The following ADAMTS7 variants were observed in gnomAD, a reference collection of about 807,000 sequenced individuals.
ADAMTS7 encodes the protein A disintegrin and metalloproteinase with thrombospondin motifs 7.
ADAMTS7 carries 89 observed loss-of-function variants against 172.6 expected under a neutral mutation model. That is an observed-to-expected ratio of 0.52 (90% CI 0.43 to 0.61). The LOEUF (loss-of-function observed/expected upper bound fraction) is 0.61, where lower values mean the gene tolerates loss of function less well. Ranked by LOEUF, ADAMTS7 falls within the 20% of genes least tolerant of loss-of-function variation. ADAMTS7 has a pLI of 0.00. For synonymous variants in ADAMTS7, 885 were observed against 978.4 expected (o/e 0.90, Z 1.78); for missense variants, 1,973 against 2,355.6 (o/e 0.84, Z 3.36).
At position 78,798,054 on chromosome 15, in the gene ADAMTS7, C is replaced by A; in HGVS notation, c.516G>T (p.Pro172=). 1 of 1,569,998 alleles carries A rather than the reference C, an allele frequency of 6.4e-7. No homozygotes were observed. The highest frequency in any genetic ancestry group is 1.2e-5 in the South Asian group (1 of 84,596). The change falls in exon 3 of 24, where the codon CCG becomes CCT. Residue 172 remains proline (P), a synonymous_variant. Transcript: ENST00000388820. ...GGGGCTGGGCGTGGCCAGGCCGGGC[C>A]GGGGCACTGTCCAGGGGCTCAATGA... is the stretch of plus-strand genomic sequence containing the variant. The part of the protein sequence containing the change: ...DYFIEPLDSA[P]ARPGHAQPHV...
Position 78,762,357 on chromosome 15 carries a change from C to G in ADAMTS7, c.4903+46G>C. On this transcript the variant is annotated intron_variant, in intron 23 of 23. Coordinates refer to ENST00000388820, the MANE Select transcript of ADAMTS7 (RefSeq NM_014272.5). ...CGACCCCATTTCCCCATCACCCTCC[C>G]CACCCCACCTCACTTCAGCAGGGAG... The G allele has an allele frequency of 2.9e-6, 4 of 1,360,458 alleles. No homozygotes were observed. The South Asian group carries it at 7.2e-5, about 24-fold the overall frequency. 84.3% of individuals were successfully genotyped at this position (1,360,458 alleles called of 1,614,324 possible). A position where few individuals can be genotyped will look rare whatever the true frequency, so the allele number is the denominator to read the frequency against.
At position 78,800,256 on chromosome 15, in the gene ADAMTS7, A is replaced by G. The variant is rs1170090701; in HGVS notation, c.392T>C (p.Leu131Pro). 1.3e-6 allele frequency: 2 copies of G among 1,595,244 alleles called. No homozygotes were observed. Among genetic ancestry groups the G allele is most frequent in the Non-Finnish European group, 1.7e-6 (2 of 1,178,366 alleles). The change falls in exon 2 of 24, where the codon CTT (leucine) becomes CCT (proline). Residue 131 changes from leucine to proline, a missense_variant. Transcript: ENST00000388820. Reference protein sequence around the residue: ...IRAHTPACHLLGEVQDPELEG... With the variant: ...IRAHTPACHLPGEVQDPELEG... Reference sequence around the variant, plus strand: ...GAGCTCAGGGTCCTGCACCTCGCCAAGCAGGTGGCAGGCCGGGGTGTGGGC... The same window carrying G: ...GAGCTCAGGGTCCTGCACCTCGCCAGGCAGGTGGCAGGCCGGGGTGTGGGC...
At position 78,766,182 on chromosome 15, in the gene ADAMTS7, C is replaced by G; in HGVS notation, c.3729G>C (p.Leu1243Phe). 1 of 1,611,670 alleles carries G rather than the reference C, an allele frequency of 6.2e-7. No individual in the cohort carries two copies. The highest frequency in any genetic ancestry group is 1.1e-5 in the South Asian group (1 of 90,992). Residue 1243 changes from leucine to phenylalanine, a missense_variant, in exon 19 of 24, where the codon TTG becomes TTC. Leu to Phe is a conservative substitution (Grantham distance 22, BLOSUM62 0). Coordinates refer to ENST00000388820, the MANE Select transcript of ADAMTS7 (RefSeq NM_014272.5). ...PPRPSSTLPP[L>F]SPVGSTHSSP... Reference sequence around the variant, plus strand: ...AGGAGTGGGTGCTGCCAACAGGGGACAAAGGGGGCAGCGTGGAGCTGGGTC... The same window carrying G: ...AGGAGTGGGTGCTGCCAACAGGGGAGAAAGGGGGCAGCGTGGAGCTGGGTC...
chr15:78,810,819 C>T (rs1479876469), intron 1 of ADAMTS7: 1 of 267,166 alleles, frequency 3.7e-6, no homozygotes, highest in Non-Finnish European at 7.0e-6. Flanking sequence ...GAGCCAGGCG[C>T]GTTGCTGCAC....
Position 78,764,110 on chromosome 15 carries a change from A to G in ADAMTS7, c.4420-11T>C. The G allele has an allele frequency of 6.6e-7, 1 of 1,519,732 alleles. No individual in the cohort carries two copies. The highest frequency in any genetic ancestry group is 8.9e-7 in the Non-Finnish European group (1 of 1,129,716). The allele number at this position is 1,519,732 out of a possible 1,614,324, so 94.1% of individuals were successfully genotyped here. A position where few individuals can be genotyped will look rare whatever the true frequency, so the allele number is the denominator to read the frequency against. ...GCAGCTGCGGGAGCACTGGGGACCG[A>G]GAGACGTGTATGGACACATCCCCAT... On this transcript the variant is annotated splice_polypyrimidine_tract_variant and intron_variant, in intron 20 of 23. Transcript: ENST00000388820.
At chr15:78,791,022 T>C (rs1176516921) in intron 5 of ADAMTS7, 118 bp downstream of exon 5, 4 of 1,330,782 alleles carry the variant, frequency 3.0e-6, no homozygotes, top group Non-Finnish European at 4.2e-6. Flanking sequence ...GGGGACACGG[T>C]CCAGGCCAAG....
At chr15:78,798,314 A>G (rs1330815291) in intron 2 of ADAMTS7, among the ~76,000 whole-genome samples, 1 of 152,052 alleles carries the variant, frequency 6.6e-6, no homozygotes. Flanking sequence ...CTGCCATTTC[A>G]CACACAGCCA....
chr15:78,763,704 C>G lies in ADAMTS7; in HGVS notation c.4735G>C (p.Gly1579Arg). The change falls in exon 22 of 24, where the codon GGC (glycine) becomes CGC (arginine). Residue 1579 changes from glycine to arginine, a missense_variant. By Grantham distance (125) the Gly-to-Arg change is moderately radical (BLOSUM62 -2). This residue lies in a region of ADAMTS7 where 42 missense variants were observed against 78.3 expected (regional missense o/e 0.54). Coordinates refer to ENST00000388820, the MANE Select transcript of ADAMTS7 (RefSeq NM_014272.5). The part of the protein sequence containing the change: ...PCTQWVVGPW[G>R]QCSGPCGGGV... ...CTCCCCGCAGCCCGGCTCACCTGGC[C>G]CCAGGGCCCCACCACCCACTGCGTG... 5 of 1,537,584 alleles carry G rather than the reference C, an allele frequency of 3.3e-6. No homozygotes were observed. The highest frequency in any genetic ancestry group is 4.4e-6 in the Non-Finnish European group (5 of 1,145,776).
chr15:78,792,037 C>A (rs1199673583), intron 4 of ADAMTS7, among the ~76,000 whole-genome samples: 1 of 152,150 alleles, frequency 6.6e-6, no homozygotes, highest in African/African-American at 2.4e-5. Context: ...GCAGAACAGG[C>A]CAGTTGTGAG....
rs1397947942 is a variant in ADAMTS7, at chr15:78,776,753, T to G, written c.1556A>C (p.Asn519Thr). The G allele has an allele frequency of 9.7e-6, 15 of 1,550,124 alleles. No individual in the cohort carries two copies. The highest frequency in any genetic ancestry group is 1.3e-5 in the Non-Finnish European group (15 of 1,145,706). ...AAVDGTRCGE[N>T]KWCLSGECVP... ...GGGACTGGGGACATCCCCTACCTTA[T>G]TCTCCCCACACCGGGTGCCGTCCAC... The change falls in exon 10 of 24, where the codon AAT becomes ACT. Residue 519 changes from asparagine to threonine, a missense_variant. Physicochemically the swap from Asn to Thr is moderately conservative, Grantham distance 65. This residue lies in a region of ADAMTS7 where 526 missense variants were observed against 662.9 expected (regional missense o/e 0.79). Coordinates refer to ENST00000388820, the MANE Select transcript of ADAMTS7 (RefSeq NM_014272.5).
intron 12 of ADAMTS7, 34 bp from the exon 13 acceptor site, chr15:78,774,334 G>C: frequency 6.5e-7 from 1 of 1,531,350 alleles, no homozygotes; most frequent in East Asian, 2.3e-5. Flanking sequence ...ATCAGCAACA[G>C]CTGGGGCGGG....
At chr15:78,774,020 C>T (rs1030433620) in intron 13 of ADAMTS7, 147 bp downstream of exon 13, 31 of 1,302,640 alleles carry the variant, frequency 2.4e-5, no homozygotes, top group Non-Finnish European at 2.8e-5. Context: ...GAGGGTGGCC[C>T]GAGGAGGACC....
rs370962738 is a variant in ADAMTS7 at position 78,761,691 on chromosome 15, G to A, written c.4903+712C>T. 1.3e-3 allele frequency among the ~76,000 whole-genome samples: 195 copies of A among 152,244 alleles called. 1 individual carries two copies. Among genetic ancestry groups the A allele is most frequent in the African/African-American group, 4.3e-3 (178 of 41,558 alleles). ...CCCATTTCCTGCCCTCAGCACTTCC[G>A]GGAGCAGCTGGGGCTGCAGGAAGGA... On this transcript the variant is annotated intron_variant, in intron 23 of 23. Coordinates refer to ENST00000388820, the MANE Select transcript of ADAMTS7 (RefSeq NM_014272.5).
chr15:78,775,562 C>A (rs1015536687), intron 11 of ADAMTS7, among the ~76,000 whole-genome samples: 1 of 152,142 alleles, frequency 6.6e-6, no homozygotes. Context: ...CCCCCACCCC[C>A]CCGTTTAGAT....
chr15:78,761,252 G>C (rs887096886), intron 23 of ADAMTS7, among the ~76,000 whole-genome samples: 1 of 152,246 alleles, frequency 6.6e-6, no homozygotes, highest in Non-Finnish European at 1.5e-5. Context: ...AGAAGGCAGC[G>C]TTGGACAAGG....
At chr15:78,770,484 G>A (rs1168006827) in intron 16 of ADAMTS7, 6 of 128,096 alleles carry the variant, frequency 4.7e-5, no homozygotes, top group Non-Finnish European at 8.3e-5. Flanking sequence ...GAGGAAGACC[G>A]AGGGGCGTTG....
intron 3 of ADAMTS7, among the ~76,000 whole-genome samples, chr15:78,797,244 C>G (rs2055657492): frequency 6.6e-6 from 1 of 152,224 alleles, no homozygotes; most frequent in Non-Finnish European, 1.5e-5. Flanking sequence ...CCCAGCTTGC[C>G]CTACTGGGCC....
chr15:78,789,597 G>A, intron 7 of ADAMTS7, 92 bp downstream of exon 7: 3 of 1,520,344 alleles, frequency 2.0e-6, no homozygotes, highest in Non-Finnish European at 1.8e-6. Context: ...CTTTCCCCTG[G>A]ACTTTGTGAC....
chr15:78,796,905 C>T, intron 3 of ADAMTS7, 119 bp from the exon 4 acceptor site: 1 of 954,694 alleles, frequency 1.0e-6, no homozygotes, highest in Non-Finnish European at 1.5e-6. Flanking sequence ...GGATCAGAGG[C>T]CAGGGGCCTG....
Sources: allele counts gnomAD v4.1 joint callset (sites outside exome capture counted in the v4.1 genomes callset), GRCh38; gene constraint gnomAD v4.1.1; regional missense constraint gnomAD v4.1.1; transcripts MANE v1.5; gene names NCBI Gene and HGNC (gene_info 2026-07-23, HGNC 2026-07-21).